Variants in PRKD3 observed in about 807,000 individuals in gnomAD.
PRKD3 encodes the protein protein kinase D3.
Under a neutral mutation model 99.2 loss-of-function variants are expected in PRKD3, and 47 were observed. The observed-to-expected ratio is 0.47, with a 90% CI of 0.38 to 0.60. The LOEUF (loss-of-function observed/expected upper bound fraction) is 0.60. Ranked by LOEUF, PRKD3 falls within the 20% of genes least tolerant of loss-of-function variation. The pLI is 0.00. For missense variants in PRKD3, 1,019 were observed against 1,088.4 expected, an observed-to-expected ratio of 0.94 and a Z score of 0.90; for synonymous variants, 392 against 355.4, an observed-to-expected ratio of 1.10 and a Z score of -1.16.
chr2:37,295,535 C>T (rs1203897622), intron 2 of PRKD3, among the ~76,000 whole-genome samples: 1 of 152,302 alleles, frequency 6.6e-6, no homozygotes, highest in East Asian at 1.9e-4. Flanking sequence ...ACCCCACTGG[C>T]ACCATACTAA....
chr2:37,261,795 C>G (rs2148500708), intron 14 of PRKD3, among the ~76,000 whole-genome samples: 1 of 152,208 alleles, frequency 6.6e-6, no homozygotes, highest in Non-Finnish European at 1.5e-5. Context: ...ACAAAAAAAC[C>G]CAGACGGTCC....
intron 2 of PRKD3, 137 bp downstream of exon 2, chr2:37,316,100 G>T: frequency 1.2e-6 from 1 of 867,394 alleles, no homozygotes; most frequent in South Asian, 1.7e-5. Context: ...AGCCTCAGAG[G>T]TCATTAGAAC....
rs1469063133 is a variant in PRKD3 at position 37,251,606 on chromosome 2, C to A, written c.*1571G>T. 3.3e-5 allele frequency: 5 copies of A among 152,238 alleles called. No individual in the cohort carries two copies. The highest frequency in any genetic ancestry group is 1.2e-4 in the African/African-American group (5 of 41,408). The allele number at this position is 152,238 out of a possible 1,614,324, so 9.4% of individuals were successfully genotyped here. On this transcript the variant is annotated 3_prime_UTR_variant, in exon 19 of 19. Transcript: ENST00000234179. ...AAGGCCTTCTCAGTCTGTTCATGTACCAGAACATTCTTTTTTTTTTTTGCT... is the reference window on the plus strand; with the variant it reads ...AAGGCCTTCTCAGTCTGTTCATGTAACAGAACATTCTTTTTTTTTTTTGCT...
chr2:37,305,904 G>A (rs1014155964), intron 2 of PRKD3, among the ~76,000 whole-genome samples: 1 of 152,028 alleles, frequency 6.6e-6, no homozygotes, highest in African/African-American at 2.4e-5. Context: ...CTATGGAGGT[G>A]GACTTTATGA....
chr2:37,256,476 A>T (rs553918869), intron 17 of PRKD3, among the ~76,000 whole-genome samples, 186 bp downstream of exon 17: 10 of 152,152 alleles, frequency 6.6e-5, no homozygotes, highest in Admixed American at 1.3e-4. Flanking sequence ...TATACAGAAG[A>T]CACAGATAAA....
At chr2:37,272,809 C>T (rs1392162601) in intron 11 of PRKD3, among the ~76,000 whole-genome samples, 1 of 152,022 alleles carries the variant, frequency 6.6e-6, no homozygotes, top group Admixed American at 6.6e-5. Context: ...CTACAGGATA[C>T]CCTATCTCTA....
In PRKD3 at chr2:37,254,249, T is replaced by C; in HGVS notation, c.2454A>G (p.Arg818=). The part of the protein sequence containing the change: ...LINNLLQVKM[R]KRYSVDKSLS... ...GAGATTTGTCAACACTGTAACGTTT[T>C]CTCATCTTCACTTGAAGCAGATTGT... The change falls in exon 18 of 19, where the codon AGA becomes AGG. Residue 818 remains arginine (R), a synonymous_variant. Transcript: ENST00000234179. 1 of 1,613,542 alleles carries C rather than the reference T, an allele frequency of 6.2e-7. No homozygotes were observed. Among genetic ancestry groups the C allele is most frequent in the Non-Finnish European group, 8.5e-7 (1 of 1,179,476 alleles).
chr2:37,255,288 T>C (rs769106750), intron 17 of PRKD3, among the ~76,000 whole-genome samples: 7 of 144,022 alleles, frequency 4.9e-5, no homozygotes, highest in Non-Finnish European at 9.1e-5. Context: ...GTTAATCCTA[T>C]GATTAGGCCT....
intron 9 of PRKD3, among the ~76,000 whole-genome samples, chr2:37,277,628 C>G (rs987341249): frequency 1.4e-4 from 22 of 152,102 alleles, no homozygotes; most frequent in African/African-American, 5.3e-4. Flanking sequence ...GTGGAACAAT[C>G]CCAGATCCTT....
At chr2:37,274,836 A>C in intron 10 of PRKD3, 139 bp from the exon 11 acceptor site, 1 of 847,776 alleles carries the variant, frequency 1.2e-6, no homozygotes, top group Non-Finnish European at 1.8e-6. Flanking sequence ...TACACAGTTG[A>C]GTCTTATGAC....
chr2:37,298,695 G>A (rs1670780044), intron 2 of PRKD3, among the ~76,000 whole-genome samples: 1 of 151,878 alleles, frequency 6.6e-6, no homozygotes, highest in African/African-American at 2.4e-5. Context: ...TATTGTAAAT[G>A]GGATAATTTT....
At chr2:37,307,317 A>G (rs951024682) in intron 2 of PRKD3, among the ~76,000 whole-genome samples, 2 of 152,216 alleles carry the variant, frequency 1.3e-5, no homozygotes, top group African/African-American at 4.8e-5. Flanking sequence ...GGAAATAAAT[A>G]ACTTTAAAAA....
rs1028108072 is a variant in PRKD3, at chr2:37,252,233, A to T, written c.*944T>A. 2 of 152,182 alleles carry T rather than the reference A, an allele frequency of 1.3e-5. No individual in the cohort carries two copies. Among genetic ancestry groups the T allele is most frequent in the African/African-American group, 4.8e-5 (2 of 41,442 alleles). The allele number at this position is 152,182 out of a possible 1,614,324, so 9.4% of individuals were successfully genotyped here. On this transcript the variant is annotated 3_prime_UTR_variant, in exon 19 of 19. Transcript: ENST00000234179. Reference sequence around the variant, plus strand: ...TATACAGTAACTGTAGCATTAACTGACCCTGCACTGGCCCTGCTAAAAAGC... The same window carrying T: ...TATACAGTAACTGTAGCATTAACTGTCCCTGCACTGGCCCTGCTAAAAAGC...
intron 13 of PRKD3, 44 bp from the exon 14 acceptor site, chr2:37,267,580 G>C: frequency 7.4e-7 from 1 of 1,351,812 alleles, no homozygotes; most frequent in South Asian, 1.2e-5. Flanking sequence ...CAAACTGACA[G>C]CTTTATTAGG....
intron 2 of PRKD3, among the ~76,000 whole-genome samples, chr2:37,303,658 G>A (rs1671037640): frequency 6.6e-6 from 1 of 151,962 alleles, no homozygotes; most frequent in Non-Finnish European, 1.5e-5. Flanking sequence ...GAGTAAACAG[G>A]GTACCCCGTC....
chr2:37,277,575 C>G (rs1669638350), intron 9 of PRKD3, among the ~76,000 whole-genome samples: 1 of 152,150 alleles, frequency 6.6e-6, no homozygotes, highest in Admixed American at 6.5e-5. Flanking sequence ...CCTTCTATCT[C>G]TATTTGTGGC....
intron 5 of PRKD3, among the ~76,000 whole-genome samples, chr2:37,288,967 T>C (rs574395459): frequency 3.3e-5 from 5 of 151,742 alleles, no homozygotes; most frequent in African/African-American, 4.8e-5. Flanking sequence ...GGCAGGAGAA[T>C]TGCTTGAACC....
rs1283122362 is a variant in PRKD3, at chr2:37,269,677, G to C, written c.1715C>G (p.Thr572Ser). 1 of 1,609,616 alleles carries C rather than the reference G, an allele frequency of 6.2e-7. No individual in the cohort carries two copies. Among genetic ancestry groups the C allele is most frequent in the African/African-American group, 1.3e-5 (1 of 74,914 alleles). The change falls in exon 13 of 19, where the codon ACT becomes AGT. Residue 572 changes from threonine to serine, a missense_variant. Coordinates refer to ENST00000234179, the MANE Select transcript of PRKD3 (RefSeq NM_005813.6). ...CQIQENVDIS[T>S]VYQIFADEVL... ...CTCATCTGCAAAGATCTGGTAAACA[G>C]TACTGATATCCTGGTAGGATAAAGT... is the stretch of plus-strand genomic sequence containing the variant.
chr2:37,301,630 C>A (rs561894813), intron 2 of PRKD3, among the ~76,000 whole-genome samples: 16 of 152,232 alleles, frequency 1.1e-4, no homozygotes, highest in African/African-American at 3.9e-4. Context: ...GCTATGCTCA[C>A]AGAGTCAAAA....
Sources: gnomAD v4.1 joint callset for allele counts (sites outside exome capture counted in the v4.1 genomes callset) on GRCh38, gnomAD v4.1.1 for gene constraint, MANE v1.5 for transcripts, NCBI Gene and HGNC (gene_info 2026-07-23, HGNC 2026-07-21) for gene names.